ERBB4: variants seen among roughly 807,000 people sequenced by gnomAD.
ERBB4 encodes the protein receptor tyrosine-protein kinase erbB-4.
In ERBB4, 42 loss-of-function variants were observed where a neutral mutation model predicts 158.0. That is an observed-to-expected ratio of 0.27 (90% CI 0.21 to 0.34). ERBB4 has a LOEUF of 0.34. Among genes scored for constraint, ERBB4 ranks in the 10% least tolerant of loss-of-function variants. ERBB4 has a pLI of 1.00. For synonymous variants in ERBB4, 583 were observed against 558.7 expected (o/e 1.04, Z -0.61); for missense variants, 1,333 against 1,624.1 (o/e 0.82, Z 3.08).
intron 2 of ERBB4, among the ~76,000 whole-genome samples, chr2:212,084,940 A>T (rs1381342179): frequency 2.0e-5 from 3 of 152,028 alleles, no homozygotes; most frequent in Non-Finnish European, 4.4e-5. Flanking sequence ...GACCAATTAC[A>T]TGACTTAAGT....
At chr2:212,008,302 A>G (rs1194725315) in intron 2 of ERBB4, among the ~76,000 whole-genome samples, 2 of 151,994 alleles carry the variant, frequency 1.3e-5, no homozygotes, top group Non-Finnish European at 2.9e-5. Flanking sequence ...CACAGTCGAG[A>G]TTTATTTATT....
chr2:211,738,936 G>T (rs2106176397), intron 5 of ERBB4, among the ~76,000 whole-genome samples: 1 of 152,196 alleles, frequency 6.6e-6, no homozygotes, highest in South Asian at 2.1e-4. Flanking sequence ...ATTGTGGCTG[G>T]CCAGAAAATG....
intron 17 of ERBB4, among the ~76,000 whole-genome samples, chr2:211,627,696 G>T (rs2125866181): frequency 6.6e-6 from 1 of 152,244 alleles, no homozygotes. Context: ...AACAAACGTT[G>T]GATAAGCTTA....
intron 19 of ERBB4, among the ~76,000 whole-genome samples, chr2:211,570,457 T>C (rs1196596431): frequency 1.3e-5 from 2 of 151,426 alleles, no homozygotes; most frequent in Non-Finnish European, 2.9e-5. Context: ...TGAGCCACCA[T>C]GCCAGGCCTC....
At position 211,561,895 on chromosome 2, in the gene ERBB4, G is replaced by A. The variant is rs759520980; in HGVS notation, c.2487+8C>T. 1 of 1,612,006 alleles carries A rather than the reference G, an allele frequency of 6.2e-7. No homozygotes were observed. The highest frequency in any genetic ancestry group is 1.7e-5 in the Admixed American group (1 of 60,018). Reference sequence around the variant, plus strand: ...ATGTAATTTCCATAGAAATTGACAGGCACTTACCTTAGCTATCTGGACACA... The same window carrying A: ...ATGTAATTTCCATAGAAATTGACAGACACTTACCTTAGCTATCTGGACACA... On this transcript the variant is annotated splice_region_variant and intron_variant, in intron 20 of 27. Coordinates refer to ENST00000342788, the MANE Select transcript of ERBB4 (RefSeq NM_005235.3).
At chr2:211,771,998 T>G (rs966271713) in intron 4 of ERBB4, among the ~76,000 whole-genome samples, 2 of 152,200 alleles carry the variant, frequency 1.3e-5, no homozygotes, top group African/African-American at 4.8e-5. Flanking sequence ...AAACCCACAA[T>G]TAAATGTTAT....
chr2:211,422,345 G>A (rs536081195), intron 23 of ERBB4, among the ~76,000 whole-genome samples: 15 of 151,856 alleles, frequency 9.9e-5, no homozygotes, highest in East Asian at 3.9e-4. Context: ...TCTCTGATGT[G>A]TATAGACGTG....
intron 22 of ERBB4, among the ~76,000 whole-genome samples, chr2:211,427,223 T>C (rs2063648684): frequency 6.6e-6 from 1 of 152,150 alleles, no homozygotes; most frequent in Non-Finnish European, 1.5e-5. Flanking sequence ...TATCTTTTTT[T>C]TTCCAACAAT....
chr2:212,189,128 A>G (rs1294784068), intron 1 of ERBB4, among the ~76,000 whole-genome samples: 9 of 151,250 alleles, frequency 6.0e-5, no homozygotes, highest in Admixed American at 5.9e-4. Flanking sequence ...CCAGTTTAGC[A>G]TCCTAATCTG....
chr2:212,149,589 T>C (rs1022556193), intron 1 of ERBB4, among the ~76,000 whole-genome samples: 1 of 152,200 alleles, frequency 6.6e-6, no homozygotes, highest in African/African-American at 2.4e-5. Context: ...GTTTCAAATA[T>C]GGTCTTATTT....
intron 2 of ERBB4, among the ~76,000 whole-genome samples, chr2:212,088,519 C>A (rs1056889880): frequency 6.6e-6 from 1 of 152,096 alleles, no homozygotes; most frequent in Admixed American, 6.6e-5. Context: ...CAATCCTGCA[C>A]GTGTCACAGA....
chr2:211,956,447 T>C (rs950130800), intron 2 of ERBB4, among the ~76,000 whole-genome samples: 5 of 152,024 alleles, frequency 3.3e-5, no homozygotes, highest in Non-Finnish European at 7.4e-5. Flanking sequence ...GCCAAACTGG[T>C]TAGGACGATG....
intron 1 of ERBB4, among the ~76,000 whole-genome samples, chr2:212,355,964 T>A (rs2089448246): frequency 6.6e-6 from 1 of 151,916 alleles, no homozygotes; most frequent in South Asian, 2.1e-4. Context: ...TGCAGCTCAG[T>A]CCCACTGACG....
At chr2:212,486,435 G>A (rs529287705) in intron 1 of ERBB4, among the ~76,000 whole-genome samples, 333 of 152,128 alleles carry the variant, frequency 2.2e-3, no homozygotes, top group African/African-American at 7.8e-3. Flanking sequence ...TATAAATAAT[G>A]TTGTATTTGT....
At chr2:212,155,428 C>A (rs1323052725) in intron 1 of ERBB4, among the ~76,000 whole-genome samples, 1 of 151,962 alleles carries the variant, frequency 6.6e-6, no homozygotes, top group African/African-American at 2.4e-5. Context: ...AAAGATGATT[C>A]TAGAACAAGA....
chr2:211,387,962 A>T lies in ERBB4; in HGVS notation c.3166T>A (p.Tyr1056Asn), dbSNP rs533283389. The T allele has an allele frequency of 6.2e-7, 1 of 1,609,158 alleles. No homozygotes were observed. The highest frequency in any genetic ancestry group is 1.3e-5 in the African/African-American group (1 of 74,934). ...ATACTTACTCCTGACATGGGGGTGT[A>T]GGCAGGAGGAGGGCTGTGTCCAATT... Reference protein sequence around the residue: ...SEIGHSPPPAYTPMSGNQFVY... With the variant: ...SEIGHSPPPANTPMSGNQFVY... Residue 1056 changes from tyrosine to asparagine, a missense_variant, in exon 26 of 28, where the codon TAC becomes AAC. Around this residue, in one of 5 missense-constraint regions of ERBB4, gnomAD observed 252 missense variants for 241.3 expected, o/e 1.04. Transcript: ENST00000342788.
At chr2:211,683,322 T>A (rs555504060) in intron 12 of ERBB4, among the ~76,000 whole-genome samples, 149 of 152,258 alleles carry the variant, frequency 9.8e-4, no homozygotes, top group Non-Finnish European at 1.8e-3. Flanking sequence ...CACTGACTTG[T>A]CTCCCACCTT....
At chr2:211,444,455 A>G (rs1314910939) in intron 20 of ERBB4, among the ~76,000 whole-genome samples, 8 of 152,096 alleles carry the variant, frequency 5.3e-5, no homozygotes, top group African/African-American at 1.9e-4. Context: ...CACTTATAAC[A>G]TGGAAATCTA....
At chr2:211,491,600 CTA>C (rs1226713624) in intron 20 of ERBB4, among the ~76,000 whole-genome samples, 4 of 151,788 alleles carry the variant, frequency 2.6e-5, no homozygotes, top group African/African-American at 4.8e-5. Flanking sequence ...GATAAGGAAA[CTA>C]TGTTGGTTTG....
Sources: allele counts gnomAD v4.1 joint callset (sites outside exome capture counted in the v4.1 genomes callset), GRCh38; gene constraint gnomAD v4.1.1; regional missense constraint gnomAD v4.1.1; transcripts MANE v1.5; gene names NCBI Gene and HGNC (gene_info 2026-07-23, HGNC 2026-07-21).